MMUT: variants seen among roughly 807,000 people sequenced by gnomAD.
The protein encoded by MMUT is methylmalonyl-CoA mutase, mitochondrial.
Under a neutral mutation model 79.9 loss-of-function variants are expected in MMUT, and 79 were observed. The observed-to-expected ratio is 0.99, with a 90% CI of 0.82 to 1.19. The LOEUF is 1.19. Among genes scored for constraint, MMUT ranks in the 50% most tolerant of loss-of-function variants. The pLI is 0.00. For synonymous variants in MMUT, 273 were observed against 295.7 expected (o/e 0.92, Z 0.79); for missense variants, 860 against 917.2 (o/e 0.94, Z 0.81).
At position 49,430,963 on chromosome 6, in the gene MMUT, C is replaced by T. The variant is rs1170042636; in HGVS notation, c.*765G>A. 1 of 152,114 alleles carries T rather than the reference C, an allele frequency of 6.6e-6. No homozygotes were observed. Among genetic ancestry groups the T allele is most frequent in the East Asian group, 1.9e-4 (1 of 5,188 alleles). The allele number at this position is 152,114 out of a possible 1,614,324, so 9.4% of individuals were successfully genotyped here. A position where few individuals can be genotyped will look rare whatever the true frequency, so the allele number is the denominator to read the frequency against. ...CTAGATCTGGAAAGTTGAATTCTTT[C>T]TATATCACAGACCTACACTCACAGT... On this transcript the variant is annotated 3_prime_UTR_variant, in exon 13 of 13. Coordinates refer to ENST00000274813, the MANE Select transcript of MMUT (RefSeq NM_000255.4).
intron 3 of MMUT, 86 bp downstream of exon 3, chr6:49,457,605 A>G (rs1767721011): frequency 5.9e-6 from 7 of 1,187,324 alleles, no homozygotes; most frequent in African/African-American, 1.5e-5. Context: ...TACTCAGACT[A>G]AATTTTTAAA....
At chr6:49,451,420 A>T in intron 6 of MMUT, 46 bp downstream of exon 6, 2 of 1,597,074 alleles carry the variant, frequency 1.3e-6, no homozygotes, top group Non-Finnish European at 8.6e-7. Context: ...AAATCTTTAC[A>T]AATCTGTAAA....
At chr6:49,443,140 A>T (rs1031471445) in intron 9 of MMUT, among the ~76,000 whole-genome samples, 21 of 152,134 alleles carry the variant, frequency 1.4e-4, no homozygotes, top group African/African-American at 5.1e-4. Flanking sequence ...TTTTCTGCAC[A>T]TCCTGTGGAG....
intron 9 of MMUT, among the ~76,000 whole-genome samples, chr6:49,443,092 G>T (rs755187848): frequency 6.6e-6 from 1 of 152,094 alleles, no homozygotes; most frequent in Non-Finnish European, 1.5e-5. Flanking sequence ...TAATGATACT[G>T]CCATATATTG....
Position 49,444,710 on chromosome 6 carries a change from A to G in MMUT, c.1605T>C (p.Ala535=). 2 of 1,613,550 alleles carry G rather than the reference A, an allele frequency of 1.2e-6. No individual in the cohort carries two copies. Among genetic ancestry groups the G allele is most frequent in the Non-Finnish European group, 1.7e-6 (2 of 1,179,554 alleles). ...RDQALAERCL[A]ALTECAASGD... is the part of the protein sequence containing the mutation. The stretch of plus-strand genomic sequence containing the variant: ...CGCTAGCAGCACATTCGGTTAGTGC[A>G]GCAAGACAACGTTCAGCCAAAGCTT... The change falls in exon 9 of 13, where the codon GCT becomes GCC. Residue 535 remains alanine, a synonymous_variant. Transcript: ENST00000274813.
chr6:49,448,422 A>G lies in MMUT; in HGVS notation c.1444+394T>C, dbSNP rs182572747. On this transcript the variant is annotated intron_variant, in intron 7 of 12. Coordinates refer to ENST00000274813, the MANE Select transcript of MMUT (RefSeq NM_000255.4). ...TGTGTGCATAGAGGTCATAGAGGTCATGTCTGTCCTGTTCACAGTTGTATG... is the reference window on the plus strand; with the variant it reads ...TGTGTGCATAGAGGTCATAGAGGTCGTGTCTGTCCTGTTCACAGTTGTATG... Among the ~76,000 whole-genome samples, 185 of 152,146 alleles carry G rather than the reference A, an allele frequency of 1.2e-3. 2 individuals carry two copies. Among genetic ancestry groups the G allele is most frequent in the African/African-American group, 4.3e-3 (177 of 41,532 alleles).
intron 12 of MMUT, among the ~76,000 whole-genome samples, chr6:49,434,180 GA>G (rs1188808951): frequency 6.6e-6 from 1 of 152,002 alleles, no homozygotes; most frequent in East Asian, 1.9e-4. Flanking sequence ...GCGTTCTGTA[GA>G]CAGACTGCAA....
rs186312168 is a variant in MMUT, at chr6:49,451,931, T to C, written c.1084-217A>G. 3.2e-3 allele frequency among the ~76,000 whole-genome samples: 488 copies of C among 152,332 alleles called. 5 individuals are homozygous for C. The highest frequency in any genetic ancestry group is 0.011 in the African/African-American group (458 of 41,584). On this transcript the variant is annotated intron_variant, in intron 5 of 12. Transcript: ENST00000274813. The stretch of plus-strand genomic sequence containing the variant: ...TAGTGCCTCTTATAATCCTCTGAAA[T>C]ATCAGATATTGTTGTGCTTACTTTT...
At chr6:49,453,039 GTTTTTTTT>G (rs5876116) in intron 5 of MMUT, among the ~76,000 whole-genome samples, 1 of 116,192 alleles carries the variant, frequency 8.6e-6, no homozygotes, top group Admixed American at 9.3e-5. Flanking sequence ...TTCTTTCTTT[GTTTTTTTT>G]TTTTTTTTTT....
chr6:49,455,365 CAGAA>C (rs886928492), intron 4 of MMUT, among the ~76,000 whole-genome samples: 1 of 152,122 alleles, frequency 6.6e-6, no homozygotes, highest in African/African-American at 2.4e-5. Flanking sequence ...TCAAATACCC[CAGAA>C]AGAGTCTTAG....
chr6:49,449,184 C>T (rs1767488069), intron 6 of MMUT, among the ~76,000 whole-genome samples: 1 of 151,936 alleles, frequency 6.6e-6, no homozygotes, highest in South Asian at 2.1e-4. Flanking sequence ...AAAATTAAAG[C>T]AACATCAATT....
intron 10 of MMUT, 42 bp downstream of exon 10, chr6:49,441,798 C>G: frequency 6.3e-7 from 1 of 1,599,928 alleles, no homozygotes; most frequent in Non-Finnish European, 8.5e-7. Context: ...ATTGTGCTAA[C>G]AGAAAAGATG....
At chr6:49,451,751 C>A in intron 5 of MMUT, 37 bp from the exon 6 acceptor site, 2 of 1,598,332 alleles carry the variant, frequency 1.3e-6, no homozygotes, top group Non-Finnish European at 1.7e-6. Flanking sequence ...CTCAAAGAAA[C>A]AGGTGATAGA....
At position 49,430,469 on chromosome 6, in the gene MMUT, TC is replaced by T. The variant is rs1766946639; in HGVS notation, c.*1258del. On this transcript the variant is annotated 3_prime_UTR_variant, in exon 13 of 13. Coordinates refer to ENST00000274813, the MANE Select transcript of MMUT (RefSeq NM_000255.4). ...GTGTGCATTGCTTTACAAGGAAAAG[TC>T]AATAAAATGGCATAGTGAATATATC... The T allele has an allele frequency of 6.6e-6, 1 of 152,150 alleles. No homozygotes were observed. Among genetic ancestry groups the T allele is most frequent in the Admixed American group, 6.6e-5 (1 of 15,254 alleles). 9.4% of individuals were successfully genotyped at this position (152,150 alleles called of 1,614,324 possible). A position where few individuals can be genotyped will look rare whatever the true frequency, so the allele number is the denominator to read the frequency against.
chr6:49,443,942 G>A, intron 9 of MMUT: 3 of 272,418 alleles, frequency 1.1e-5, no homozygotes, highest in Non-Finnish European at 2.2e-5. Flanking sequence ...GAAGGAAGAG[G>A]TGGTCAATAA....
chr6:49,457,013 G>A (rs1295596788), intron 3 of MMUT, among the ~76,000 whole-genome samples: 4 of 152,198 alleles, frequency 2.6e-5, no homozygotes, highest in African/African-American at 9.6e-5. Flanking sequence ...ATGCTTGCTA[G>A]AGTTTGGAGA....
chr6:49,444,700 C>T lies in MMUT; in HGVS notation c.1615G>A (p.Glu539Lys), dbSNP rs763417266. The change falls in exon 9 of 13, where the codon GAA becomes AAA. Residue 539 changes from glutamate (E) to lysine (K), a missense_variant. By Grantham distance (56) the Glu-to-Lys change is moderately conservative. Transcript: ENST00000274813. Reference sequence around the variant, plus strand: ...TTTCCATCTCCGCTAGCAGCACATTCGGTTAGTGCAGCAAGACAACGTTCA... The same window carrying T: ...TTTCCATCTCCGCTAGCAGCACATTTGGTTAGTGCAGCAAGACAACGTTCA... The part of the protein sequence containing the change: ...LAERCLAALT[E>K]CAASGDGNIL... 2.0e-5 allele frequency: 33 copies of T among 1,613,288 alleles called. No homozygotes were observed. The highest frequency in any genetic ancestry group is 1.8e-4 in the East Asian group (8 of 44,878).
At chr6:49,446,869 A>C (rs1321774544) in intron 8 of MMUT, among the ~76,000 whole-genome samples, 3 of 151,828 alleles carry the variant, frequency 2.0e-5, no homozygotes, top group Non-Finnish European at 4.4e-5. Context: ...TTATAGATTG[A>C]ACTAAAAAAA....
At chr6:49,461,255 T>C (rs1315468969) in intron 1 of MMUT, among the ~76,000 whole-genome samples, 1 of 152,196 alleles carries the variant, frequency 6.6e-6, no homozygotes, top group Admixed American at 6.5e-5. Context: ...CTTACATAGA[T>C]ATATTCTGTT....
Sources: allele counts gnomAD v4.1 joint callset (sites outside exome capture counted in the v4.1 genomes callset), GRCh38; gene constraint gnomAD v4.1.1; transcripts MANE v1.5; gene names NCBI Gene and HGNC (gene_info 2026-07-23, HGNC 2026-07-21).